ECT2: variants seen among roughly 807,000 people sequenced by gnomAD.
The protein encoded by ECT2 is epithelial cell transforming 2.
A neutral mutation model predicts 116.9 loss-of-function variants in ECT2; 61 were observed. The observed-to-expected ratio is 0.52, with a 90% confidence interval of 0.42 to 0.65. The LOEUF is 0.65. Among genes scored for constraint, ECT2 ranks in the 30% least tolerant of loss-of-function variants. The pLI is 0.00. For missense variants in ECT2, 937 were observed against 1,078.7 expected (o/e 0.87, Z 1.84); for synonymous variants, 358 against 346.4 (o/e 1.03, Z -0.37).
At chr3:172,798,450 A>G (rs1726135340) in intron 18 of ECT2, among the ~76,000 whole-genome samples, 1 of 152,192 alleles carries the variant, frequency 6.6e-6, no homozygotes, top group Non-Finnish European at 1.5e-5. Flanking sequence ...TTTAAGATCA[A>G]TGGAATTGAT....
Position 172,764,461 on chromosome 3 carries a change from G to T in ECT2, c.1252G>T (p.Asp418Tyr), listed in dbSNP as rs370288307. Residue 418 changes from aspartate (D) to tyrosine (Y), a missense_variant, in exon 12 of 25, where the codon GAT becomes TAT. By Grantham distance (160) the Asp-to-Tyr change is radical. Coordinates refer to ENST00000392692, the MANE Select transcript of ECT2 (RefSeq NM_001258315.2). ...EHSLSIGSLLDISNTPESSIN... is the reference protein window; with the variant it reads ...EHSLSIGSLLYISNTPESSIN... ...TTCCCTTTCCATAGGGTCACTCCTAGATATCTCCAACACACCAGAGTCTAG... is the reference window on the plus strand; with the variant it reads ...TTCCCTTTCCATAGGGTCACTCCTATATATCTCCAACACACCAGAGTCTAG... The T allele has an allele frequency of 6.2e-7, 1 of 1,613,958 alleles. No homozygotes were observed. The highest frequency in any genetic ancestry group is 1.3e-5 in the African/African-American group (1 of 74,908).
intron 24 of ECT2, among the ~76,000 whole-genome samples, chr3:172,819,703 CTT>C (rs995853795): frequency 3.3e-5 from 5 of 152,054 alleles, no homozygotes; most frequent in African/African-American, 9.7e-5. Flanking sequence ...TACAAACACT[CTT>C]TGAGAGTGTA....
chr3:172,789,417 T>C (rs1724237705), intron 18 of ECT2, among the ~76,000 whole-genome samples: 1 of 152,126 alleles, frequency 6.6e-6, no homozygotes, highest in South Asian at 2.1e-4. Context: ...TAGCCCAGGC[T>C]GGTCAAAAAC....
intron 4 of ECT2, among the ~76,000 whole-genome samples, chr3:172,756,383 TTACTG>T (rs1315428146): frequency 1.5e-4 from 23 of 152,352 alleles, no homozygotes; most frequent in Admixed American, 1.0e-3. Context: ...TATAAAGTGT[TTACTG>T]TAAGTAACTT....
chr3:172,778,827 C>G (rs779029575), intron 14 of ECT2, among the ~76,000 whole-genome samples: 28 of 151,992 alleles, frequency 1.8e-4, no homozygotes, highest in Non-Finnish European at 2.8e-4. Flanking sequence ...GAACTCCTGA[C>G]CTTGTGATCT....
chr3:172,823,380 A>T, downstream of ECT2, among the ~76,000 whole-genome samples: 1 of 152,222 alleles, frequency 6.6e-6, no homozygotes, highest in Non-Finnish European at 1.5e-5. Context: ...TAAGACTATC[A>T]ACCTTAAAAG....
rs747082045 is a variant in ECT2, at chr3:172,802,959, C to T, written c.2085C>T (p.Phe695=). The T allele has an allele frequency of 6.2e-7, 1 of 1,612,038 alleles. No homozygotes were observed. The highest frequency in any genetic ancestry group is 1.3e-5 in the African/African-American group (1 of 74,954). ...PCDRGEQVTL[F]LFNDCLEIAR... is the part of the protein sequence containing the mutation. ...ACAGAGGAGAACAAGTAACTCTCTT[C>T]CTCTTCAATGATTGCCTAGAGGTAA... The change falls in exon 20 of 25, where the codon TTC becomes TTT. Residue 695 remains phenylalanine, a synonymous_variant. Coordinates refer to ENST00000392692, the MANE Select transcript of ECT2 (RefSeq NM_001258315.2).
At chr3:172,828,966 T>C in the ECT2 span, 2 of 1,325,662 alleles carry the variant, frequency 1.5e-6, no homozygotes, top group Non-Finnish European at 2.2e-6. Context: ...TCAGCACCAA[T>C]AAATTGGTTG....
chr3:172,759,948 A>G (rs1416261548), intron 6 of ECT2, among the ~76,000 whole-genome samples: 2 of 152,216 alleles, frequency 1.3e-5, no homozygotes, highest in African/African-American at 4.8e-5. Context: ...AATCTTTACT[A>G]ATCCCACCTC....
rs80106239 is a variant in ECT2, at chr3:172,799,745, C to G, written c.1908-2871C>G. ...GTTTAGTTGCCATCAGGCTTGTGTTCTGTTTCAAAACGATTGTACACACTA... is the reference window on the plus strand; with the variant it reads ...GTTTAGTTGCCATCAGGCTTGTGTTGTGTTTCAAAACGATTGTACACACTA... On this transcript the variant is annotated intron_variant, in intron 18 of 24. Transcript: ENST00000392692. 5.6e-3 allele frequency among the ~76,000 whole-genome samples: 857 copies of G among 152,270 alleles called. 9 individuals are homozygous for G. The highest frequency in any genetic ancestry group is 0.045 in the South Asian group (218 of 4,828).
At chr3:172,760,636 C>T (rs1718068198) in intron 7 of ECT2, among the ~76,000 whole-genome samples, 1 of 146,454 alleles carries the variant, frequency 6.8e-6, no homozygotes, top group Non-Finnish European at 1.5e-5. Context: ...TGAAAGATGA[C>T]TAGGATCGTG....
the ECT2 span, chr3:172,828,990 C>G: frequency 2.7e-6 from 3 of 1,104,384 alleles, no homozygotes; most frequent in Admixed American, 1.7e-5. Context: ...TGTCAATGTC[C>G]CAGGAGACAA....
chr3:172,773,845 CT>C, intron 13 of ECT2, 57 bp from the exon 14 acceptor site: 1 of 1,534,896 alleles, frequency 6.5e-7, no homozygotes. Flanking sequence ...CACTGTCTAT[CT>C]TTTAGCTCTT....
At chr3:172,751,428 A>T (rs951532805) in intron 1 of ECT2, among the ~76,000 whole-genome samples, 10 of 152,280 alleles carry the variant, frequency 6.6e-5, no homozygotes, top group East Asian at 1.9e-4. Flanking sequence ...GACTTAGGGG[A>T]AGTTGCTTAA....
intron 18 of ECT2, among the ~76,000 whole-genome samples, chr3:172,793,213 T>G (rs1360711456): frequency 6.6e-6 from 1 of 152,168 alleles, no homozygotes; most frequent in Non-Finnish European, 1.5e-5. Context: ...GTCTCCAGGC[T>G]ACAGTGCAGT....
chr3:172,769,233 T>C (rs1720152193), intron 13 of ECT2, 90 bp downstream of exon 13: 4 of 1,261,558 alleles, frequency 3.2e-6, no homozygotes, highest in Non-Finnish European at 4.3e-6. Context: ...GAGAAAATTA[T>C]ATAAACATAG....
chr3:172,771,624 A>AT (rs1560274341), intron 13 of ECT2, among the ~76,000 whole-genome samples: 2 of 152,158 alleles, frequency 1.3e-5, no homozygotes, highest in African/African-American at 4.8e-5. Flanking sequence ...CTATAGAATA[A>AT]TTTTTTTATG....
chr3:172,776,535 C>T (rs918614430), intron 14 of ECT2, among the ~76,000 whole-genome samples: 2 of 151,994 alleles, frequency 1.3e-5, no homozygotes, highest in African/African-American at 4.8e-5. Context: ...ATCTATTGAG[C>T]AAGAAGTTGG....
chr3:172,779,919 TATG>T (rs1214798072), intron 14 of ECT2, among the ~76,000 whole-genome samples: 1 of 147,282 alleles, frequency 6.8e-6, no homozygotes, highest in Non-Finnish European at 1.5e-5. Flanking sequence ...AGAAAGAAAA[TATG>T]ATACAATTCA....
Sources: allele counts gnomAD v4.1 joint callset (sites outside exome capture counted in the v4.1 genomes callset), GRCh38; gene constraint gnomAD v4.1.1; transcripts MANE v1.5; gene names NCBI Gene and HGNC (gene_info 2026-07-23, HGNC 2026-07-21).